The following CYSLTR1 variants were observed in gnomAD, a reference collection of about 807,000 sequenced individuals.
The protein encoded by CYSLTR1 is cysteinyl leukotriene receptor 1.
CYSLTR1 carries 1 observed loss-of-function variant against 2.1 expected under a neutral mutation model. That is an observed-to-expected ratio of 0.48 (90% CI 0.17 to 2.28). The LOEUF (loss-of-function observed/expected upper bound fraction) is 2.28. Among genes scored for constraint, CYSLTR1 ranks in the 30% most tolerant of loss-of-function variants. The probability of loss-of-function intolerance (pLI) is 0.26; values close to 1 mark genes in which losing one functional copy is unlikely to be tolerated. For missense variants in CYSLTR1, 299 were observed against 250.1 expected (o/e 1.20, Z -1.32); for synonymous variants, 110 against 89.6 (o/e 1.23, Z -1.28).
chrX:78,302,165 C>T (rs1458887279), intron 1 of CYSLTR1, among the ~76,000 whole-genome samples: 3 of 112,070 alleles, frequency 2.7e-5, no homozygotes, highest in Non-Finnish European at 3.8e-5. Context: ...TTTTCAAAGG[C>T]AGAGGAGCCT....
intron 1 of CYSLTR1, among the ~76,000 whole-genome samples, chrX:78,298,903 C>A (rs1331488498): frequency 9.0e-6 from 1 of 110,614 alleles, no homozygotes; most frequent in Non-Finnish European, 1.9e-5. Context: ...GGGAGATAAT[C>A]CTGTCATCTT....
chrX:78,277,101 C>T (rs1179833400), intron 2 of CYSLTR1, among the ~76,000 whole-genome samples: 1 of 111,386 alleles, frequency 9.0e-6, no homozygotes, highest in African/African-American at 3.3e-5. Flanking sequence ...TATTTGGCAC[C>T]AGAATGACTA....
chrX:78,307,456 C>T (rs910000693), intron 1 of CYSLTR1, among the ~76,000 whole-genome samples: 1 of 111,621 alleles, frequency 9.0e-6, no homozygotes, highest in African/African-American at 3.3e-5. Context: ...TATCTCTCCT[C>T]GAAATCTTTC....
At chrX:78,313,400 C>T (rs891378239) in intron 1 of CYSLTR1, among the ~76,000 whole-genome samples, 1 of 111,248 alleles carries the variant, frequency 9.0e-6, no homozygotes, top group Non-Finnish European at 1.9e-5. Context: ...ATTTGTACCC[C>T]AAACCTCAGC....
At chrX:78,325,590 C>T (rs752068651) in intron 1 of CYSLTR1, among the ~76,000 whole-genome samples, 3 of 111,844 alleles carry the variant, frequency 2.7e-5, no homozygotes, top group Non-Finnish European at 3.8e-5. Context: ...GGTGAACTCC[C>T]AGTTATCCCA....
intron 1 of CYSLTR1, among the ~76,000 whole-genome samples, chrX:78,325,923 T>C (rs1300943316): frequency 8.9e-6 from 1 of 112,045 alleles, no homozygotes. Context: ...CAAAATTTCA[T>C]TAAGGGGAGG....
intron 1 of CYSLTR1, among the ~76,000 whole-genome samples, chrX:78,295,004 C>T (rs1228150369): frequency 8.9e-6 from 1 of 112,045 alleles, no homozygotes; most frequent in African/African-American, 3.2e-5. Flanking sequence ...TCCAACAAGT[C>T]CCAATGAGAT....
intron 2 of CYSLTR1, among the ~76,000 whole-genome samples, chrX:78,281,254 T>A (rs1228912677): frequency 9.3e-6 from 1 of 107,584 alleles, no homozygotes; most frequent in African/African-American, 3.4e-5. Flanking sequence ...ATCTGCTATG[T>A]TTTATTATGT....
At chrX:78,278,268 A>T (rs1045350294) in intron 2 of CYSLTR1, among the ~76,000 whole-genome samples, 1 of 111,884 alleles carries the variant, frequency 8.9e-6, no homozygotes, top group Non-Finnish European at 1.9e-5. Flanking sequence ...GAAATATGGG[A>T]TTATGTAAAT....
intron 1 of CYSLTR1, among the ~76,000 whole-genome samples, chrX:78,301,194 T>C (rs1252266188): frequency 4.4e-5 from 5 of 112,473 alleles, no homozygotes; most frequent in African/African-American, 1.3e-4. Context: ...GTCTCTGACA[T>C]GCTCTAGAGA....
intron 1 of CYSLTR1, among the ~76,000 whole-genome samples, chrX:78,284,494 G>A (rs1921971308): frequency 3.6e-5 from 4 of 111,129 alleles, no homozygotes; most frequent in African/African-American, 6.5e-5. Context: ...TCCGCCTCCC[G>A]GGTTCAAGCA....
chrX:78,310,630 C>T, intron 1 of CYSLTR1, among the ~76,000 whole-genome samples: 1 of 111,806 alleles, frequency 8.9e-6, no homozygotes, highest in Admixed American at 9.5e-5. Flanking sequence ...ATTACAGCTG[C>T]TGTGATAGAA....
chrX:78,323,034 G>T (rs1923725258), intron 1 of CYSLTR1, among the ~76,000 whole-genome samples: 1 of 111,961 alleles, frequency 8.9e-6, no homozygotes, highest in Non-Finnish European at 1.9e-5. Context: ...CATAAGACCA[G>T]AACTTAAGGG....
At chrX:78,294,390 C>A (rs1021923147) in intron 1 of CYSLTR1, among the ~76,000 whole-genome samples, 1 of 112,557 alleles carries the variant, frequency 8.9e-6, no homozygotes, top group South Asian at 3.6e-4. Context: ...AGGTGTCTGT[C>A]GGCCCCTACT....
intron 1 of CYSLTR1, among the ~76,000 whole-genome samples, chrX:78,286,170 G>A (rs1603409963): frequency 9.0e-6 from 1 of 111,255 alleles, no homozygotes; most frequent in Admixed American, 9.6e-5. Context: ...AAGAATGTCA[G>A]GCCCCAGGTT....
rs754085126 is a variant in CYSLTR1, at chrX:78,287,112, C to T, written c.-114-3572G>A. 2.0e-3 allele frequency among the ~76,000 whole-genome samples: 225 copies of T among 111,439 alleles called. 1 individual carries two copies. Among genetic ancestry groups the T allele is most frequent in the African/African-American group, 6.8e-3 (208 of 30,681 alleles). ...ATATTTGCTACTATTTTATGGGTTG[C>T]GTTTTTATTCTCCTAACAGTGTCTT... On this transcript the variant is annotated intron_variant, in intron 1 of 2. Coordinates refer to ENST00000373304, the MANE Select transcript of CYSLTR1 (RefSeq NM_006639.4).
chrX:78,287,415 G>T (rs774067263), intron 1 of CYSLTR1, among the ~76,000 whole-genome samples: 177 of 111,686 alleles, frequency 1.6e-3, no homozygotes, highest in African/African-American at 5.7e-3. Flanking sequence ...GTGGGAGCAG[G>T]GAGTAATTGC....
rs188177510 is a variant in CYSLTR1 at position 78,301,562 on chromosome X, C to T, written c.-114-18022G>A. Among the ~76,000 whole-genome samples the T allele has an allele frequency of 7.5e-4, 84 of 112,175 alleles. 1 individual carries two copies. Among genetic ancestry groups the T allele is most frequent in the Non-Finnish European group, 9.6e-4 (51 of 53,229 alleles). On this transcript the variant is annotated intron_variant, in intron 1 of 2. Coordinates refer to ENST00000373304, the MANE Select transcript of CYSLTR1 (RefSeq NM_006639.4). ...TTCTGGTTCTCAACAAGTTTCTCAT[C>T]TCCATCTGAGACCACCTCAGCTTGG...
rs897257973 is a variant in CYSLTR1 at position 78,280,529 on chromosome X, G to C, written c.-28+2925C>G. ...ACCATTTGTGTGTGTGTGTGTTGGGGGGGGGGTAAGAATGCTTAAGATCTA... is the reference window on the plus strand; with the variant it reads ...ACCATTTGTGTGTGTGTGTGTTGGGCGGGGGGTAAGAATGCTTAAGATCTA... On this transcript the variant is annotated intron_variant, in intron 2 of 2. Coordinates refer to ENST00000373304, the MANE Select transcript of CYSLTR1 (RefSeq NM_006639.4). Among the ~76,000 whole-genome samples the C allele has an allele frequency of 5.6e-5, 6 of 106,832 alleles. No homozygotes were observed. In the East Asian group the frequency reaches 1.3e-3, roughly 22 times the overall value. The allele number at this position is 106,832 out of a possible 115,157, so 92.8% of individuals were successfully genotyped here.
Sources: allele counts gnomAD v4.1 joint callset (sites outside exome capture counted in the v4.1 genomes callset), GRCh38; gene constraint gnomAD v4.1.1; transcripts MANE v1.5; gene names NCBI Gene and HGNC (gene_info 2026-07-23, HGNC 2026-07-21).